Variants in DOCK11 observed in about 807,000 individuals in gnomAD.
DOCK11 encodes the protein dedicator of cytokinesis protein 11.
In DOCK11, 70 loss-of-function variants were observed where a neutral mutation model predicts 169.1. That is an observed-to-expected ratio of 0.41 (90% CI 0.34 to 0.51). The LOEUF (loss-of-function observed/expected upper bound fraction) is 0.51. Ranked by LOEUF, DOCK11 falls within the 20% of genes least tolerant of loss-of-function variation. DOCK11 has a pLI of 0.10. For missense variants in DOCK11, 1,166 were observed against 1,538.8 expected (o/e 0.76, Z 4.05); for synonymous variants, 529 against 541.3 (o/e 0.98, Z 0.32).
chrX:118,542,520 T>TTGTG (rs1556262327), intron 1 of DOCK11, among the ~76,000 whole-genome samples: 8 of 103,980 alleles, frequency 7.7e-5, no homozygotes, highest in East Asian at 6.0e-4. Context: ...GTGTGTGTGT[T>TTGTG]TGTGTGTGTG....
At position 118,604,521 on chromosome X, in the gene DOCK11, C is replaced by CTT. The variant is rs74504860; in HGVS notation, c.2563-690_2563-689dup. 4.4e-3 allele frequency among the ~76,000 whole-genome samples: 168 copies of CTT among 38,192 alleles called. 10 individuals carry two copies. The highest frequency in any genetic ancestry group is 0.038 in the Middle Eastern group (1 of 26). The allele number at this position is 38,192 out of a possible 115,157, so 33.2% of individuals were successfully genotyped here. On this transcript the variant is annotated intron_variant, in intron 23 of 52. Transcript: ENST00000276202. The stretch of plus-strand genomic sequence containing the variant: ...AAAGATGCTCAGCGAGGTTTGTTTC[C>CTT]TTTTTTTTTTTTTTTTTTTTTTTTT...
In DOCK11 at chrX:118,508,158, C is replaced by A. The variant is rs754884709; in HGVS notation, c.102+12085C>A. Among the ~76,000 whole-genome samples, 67 of 110,693 alleles carry A rather than the reference C, an allele frequency of 6.1e-4. 1 individual carries two copies. Among genetic ancestry groups the A allele is most frequent in the African/African-American group, 2.1e-3 (63 of 30,466 alleles). ...AAAGTAAGCCTAAGGATATTGAGAACTGTTTGCAATTGGCCATCCCTCCTT... is the reference window on the plus strand; with the variant it reads ...AAAGTAAGCCTAAGGATATTGAGAAATGTTTGCAATTGGCCATCCCTCCTT... On this transcript the variant is annotated intron_variant, in intron 1 of 52. Transcript: ENST00000276202.
intron 5 of DOCK11, 54 bp from the exon 6 acceptor site, chrX:118,545,967 T>C (rs1373522479): frequency 1.1e-6 from 1 of 902,679 alleles, no homozygotes; most frequent in Admixed American, 2.3e-5. Flanking sequence ...AATGTTTCGC[T>C]AATTAGATGG....
At chrX:118,589,782 A>G (rs774017301) in intron 18 of DOCK11, among the ~76,000 whole-genome samples, 7 of 112,575 alleles carry the variant, frequency 6.2e-5, no homozygotes, top group African/African-American at 9.7e-5. Context: ...GGAGCTTTTT[A>G]AACACGCTTC....
rs1603110656 is a variant in DOCK11 at position 118,605,496 on chromosome X, G to C, written c.2681+140G>C. 8 of 389,614 alleles carry C rather than the reference G, an allele frequency of 2.1e-5. No homozygotes were observed. The East Asian group carries it at 3.9e-4, about 19-fold the overall frequency. The allele number at this position is 389,614 out of a possible 1,213,427, so 32.1% of individuals were successfully genotyped here. On this transcript the variant is annotated intron_variant, in intron 24 of 52. Transcript: ENST00000276202. ...GGTTTTGGTATGTTGTGTTTTCATT[G>C]TCATTTGTCTCAAGATATTTTAAAT...
chrX:118,572,223 G>A, intron 10 of DOCK11, 100 bp from the exon 11 acceptor site: 2 of 721,396 alleles, frequency 2.8e-6, no homozygotes, highest in Non-Finnish European at 2.0e-6. Context: ...ATGAAGAATG[G>A]ACAGAGAACT....
chrX:118,515,849 G>A (rs1251319844), intron 1 of DOCK11, among the ~76,000 whole-genome samples: 2 of 106,046 alleles, frequency 1.9e-5, no homozygotes, highest in East Asian at 5.9e-4. Flanking sequence ...GTTACCTTGG[G>A]CAGACTGTTT....
intron 1 of DOCK11, among the ~76,000 whole-genome samples, chrX:118,511,876 CTTGAA>C (rs1297300999): frequency 3.3e-4 from 37 of 111,982 alleles, no homozygotes; most frequent in Middle Eastern, 4.6e-3. Flanking sequence ...TGAACTGTTG[CTTGAA>C]TTGAAGAGAA....
chrX:118,679,595 C>G (rs1161535810), intron 48 of DOCK11, among the ~76,000 whole-genome samples: 1 of 110,558 alleles, frequency 9.0e-6, no homozygotes, highest in Admixed American at 9.7e-5. Context: ...AAAAATTAGC[C>G]AGGTATGGTA....
intron 40 of DOCK11, among the ~76,000 whole-genome samples, chrX:118,646,998 T>C (rs1172858473): frequency 3.6e-5 from 4 of 111,333 alleles, no homozygotes; most frequent in Non-Finnish European, 3.8e-5. Flanking sequence ...GTCTGTTACC[T>C]GTATATTGTG....
chrX:118,508,499 C>T (rs1330453107), intron 1 of DOCK11, among the ~76,000 whole-genome samples: 6 of 111,097 alleles, frequency 5.4e-5, no homozygotes, highest in Non-Finnish European at 1.1e-4. Flanking sequence ...TACATTAAAT[C>T]GTTTCCTAGA....
chrX:118,566,694 T>G (rs2147381969), intron 9 of DOCK11, 41 bp downstream of exon 9: 1 of 1,100,993 alleles, frequency 9.1e-7, no homozygotes, highest in East Asian at 3.1e-5. Context: ...ACTGAGATAA[T>G]GCAGGATTAG....
Position 118,513,419 on chromosome X carries a change from G to A in DOCK11, c.102+17346G>A, listed in dbSNP as rs142943916. ...CCTGGCTTTGGATTTAGTTCCAACT[G>A]AAAGAAGGGGAGGTTCTATCTGGAA... On this transcript the variant is annotated intron_variant, in intron 1 of 52. Transcript: ENST00000276202. Among the ~76,000 whole-genome samples, 666 of 111,708 alleles carry A rather than the reference G, an allele frequency of 6.0e-3. 11 individuals are homozygous for A. The highest frequency in any genetic ancestry group is 0.058 in the East Asian group (204 of 3,521).
intron 32 of DOCK11, among the ~76,000 whole-genome samples, chrX:118,625,593 G>A (rs944976666): frequency 8.9e-6 from 1 of 112,012 alleles, no homozygotes; most frequent in Non-Finnish European, 1.9e-5. Context: ...TGAACGCTGT[G>A]TTTTCGTTCT....
chrX:118,665,289 C>G (rs915393628), intron 45 of DOCK11, among the ~76,000 whole-genome samples: 4 of 112,304 alleles, frequency 3.6e-5, no homozygotes, highest in Admixed American at 9.4e-5. Flanking sequence ...ATGCAAGATA[C>G]TTGAATTTTT....
At chrX:118,684,271 C>CTTTTTTTTT (rs1197326228) in intron 52 of DOCK11, among the ~76,000 whole-genome samples, 12 of 78,593 alleles carry the variant, frequency 1.5e-4, no homozygotes, top group African/African-American at 1.9e-4. Context: ...TTTTTTTTTT[C>CTTTTTTTTT]TTTTTTTTTT....
At chrX:118,675,903 A>T (rs747442055) in intron 46 of DOCK11, 33 bp from the exon 47 acceptor site, 8 of 908,288 alleles carry the variant, frequency 8.8e-6, no homozygotes, top group Non-Finnish European at 1.2e-5. Context: ...TTAAACAAAA[A>T]ACAAAGCTGA....
chrX:118,610,540 G>C, intron 28 of DOCK11, 122 bp downstream of exon 28: 2 of 792,840 alleles, frequency 2.5e-6, no homozygotes, highest in East Asian at 3.3e-5. Flanking sequence ...GGAAAACTTA[G>C]GTTGCTTACA....
chrX:118,656,618 G>A (rs2016078276), intron 44 of DOCK11, among the ~76,000 whole-genome samples: 1 of 112,011 alleles, frequency 8.9e-6, no homozygotes, highest in African/African-American at 3.2e-5. Context: ...ACGGAGTACC[G>A]TGATTTCAAG....
Sources: allele counts gnomAD v4.1 joint callset (sites outside exome capture counted in the v4.1 genomes callset), GRCh38; gene constraint gnomAD v4.1.1; transcripts MANE v1.5; gene names NCBI Gene and HGNC (gene_info 2026-07-23, HGNC 2026-07-21).